The following FER variants were observed in gnomAD, a reference collection of about 807,000 sequenced individuals.
FER encodes FER tyrosine kinase.
Under a neutral mutation model 111.0 loss-of-function variants are expected in FER, and 63 were observed. That is an observed-to-expected ratio of 0.57 (90% confidence interval 0.46 to 0.70). The LOEUF (loss-of-function observed/expected upper bound fraction) is 0.70. Among genes scored for constraint, FER ranks in the 30% least tolerant of loss-of-function variants. FER has a pLI of 0.00. For synonymous variants in FER, 327 were observed against 313.9 expected (o/e 1.04, Z -0.44); for missense variants, 914 against 954.0 (o/e 0.96, Z 0.55).
At chr5:109,148,420 A>T (rs1272623888) in intron 17 of FER, among the ~76,000 whole-genome samples, 1 of 152,156 alleles carries the variant, frequency 6.6e-6, no homozygotes, top group Non-Finnish European at 1.5e-5. Flanking sequence ...GATGCTTTTT[A>T]AAAAGATTGA....
At chr5:108,869,331 T>C (rs920910169) in intron 6 of FER, among the ~76,000 whole-genome samples, 1 of 152,130 alleles carries the variant, frequency 6.6e-6, no homozygotes, top group Non-Finnish European at 1.5e-5. Context: ...CATCTGGAAC[T>C]TGAAGCTTGA....
chr5:108,973,193 A>G (rs1471373785), intron 13 of FER, among the ~76,000 whole-genome samples: 1 of 152,182 alleles, frequency 6.6e-6, no homozygotes, highest in African/African-American at 2.4e-5. Flanking sequence ...ACAAGAACAG[A>G]CATACTTGTT....
At chr5:108,776,297 ATCTC>A (rs1418901152) in intron 2 of FER, among the ~76,000 whole-genome samples, 1 of 152,034 alleles carries the variant, frequency 6.6e-6, no homozygotes, top group African/African-American at 2.4e-5. Context: ...GTATAGTTGA[ATCTC>A]TATATCAATG....
chr5:108,785,179 AG>A, intron 2 of FER: 1 of 614,324 alleles, frequency 1.6e-6, no homozygotes, highest in Non-Finnish European at 2.8e-6. Flanking sequence ...TTGGCCACAC[AG>A]GTTATCTGAA....
chr5:109,007,444 A>G (rs1384444524), intron 13 of FER, among the ~76,000 whole-genome samples: 1 of 120,462 alleles, frequency 8.3e-6, no homozygotes, highest in Non-Finnish European at 2.0e-5. Flanking sequence ...TCAGCTCCCA[A>G]AATTATTCTA....
intron 10 of FER, among the ~76,000 whole-genome samples, chr5:108,921,167 T>TC (rs1401388370): frequency 1.3e-5 from 2 of 152,298 alleles, no homozygotes; most frequent in East Asian, 3.9e-4. Flanking sequence ...ATTGCCTTTT[T>TC]CCTTTTCTTG....
At chr5:108,831,868 T>C (rs1215155234) in intron 3 of FER, among the ~76,000 whole-genome samples, 1 of 152,226 alleles carries the variant, frequency 6.6e-6, no homozygotes, top group Non-Finnish European at 1.5e-5. Context: ...AACCAAACTT[T>C]GCTCATTTAA....
intron 9 of FER, among the ~76,000 whole-genome samples, chr5:108,889,805 A>G (rs1747752062): frequency 6.6e-6 from 1 of 152,074 alleles, no homozygotes; most frequent in Non-Finnish European, 1.5e-5. Context: ...TTATGTACCC[A>G]CAAAAATAAA....
At chr5:108,913,852 G>A (rs951076137) in intron 10 of FER, among the ~76,000 whole-genome samples, 4 of 152,184 alleles carry the variant, frequency 2.6e-5, no homozygotes, top group Non-Finnish European at 5.9e-5. Context: ...ACATGCAGCA[G>A]TATGGCTGAA....
intron 10 of FER, among the ~76,000 whole-genome samples, chr5:108,944,589 A>G (rs1412510516): frequency 6.6e-6 from 1 of 152,112 alleles, no homozygotes; most frequent in Non-Finnish European, 1.5e-5. Context: ...CAACCTGTCA[A>G]TGAATTCAGC....
intron 14 of FER, among the ~76,000 whole-genome samples, chr5:109,043,769 G>A (rs1442409285): frequency 1.3e-5 from 2 of 152,072 alleles, no homozygotes; most frequent in East Asian, 1.9e-4. Context: ...TCAAGAGATC[G>A]AGACCATCCT....
intron 10 of FER, among the ~76,000 whole-genome samples, chr5:108,920,017 A>C (rs1752816910): frequency 6.6e-6 from 1 of 151,882 alleles, no homozygotes; most frequent in Non-Finnish European, 1.5e-5. Context: ...AATGGTAGCT[A>C]TAAAGAAGTA....
rs191086721 is a variant in FER, at chr5:109,002,247, A to C, written c.1657-35175A>C. Among the ~76,000 whole-genome samples, 1,419 of 152,150 alleles carry C rather than the reference A, an allele frequency of 9.3e-3. 22 individuals are homozygous for C. The highest frequency in any genetic ancestry group is 0.033 in the African/African-American group (1,358 of 41,470). On this transcript the variant is annotated intron_variant, in intron 13 of 19. Transcript: ENST00000281092. ...ATACTACAAGGCTACAGTAACCAAA[A>C]CAGCATGGGACTGGTACCAAAGCGG...
chr5:108,875,704 C>T (rs1433212130), intron 8 of FER, among the ~76,000 whole-genome samples: 1 of 152,114 alleles, frequency 6.6e-6, no homozygotes, highest in African/African-American at 2.4e-5. Flanking sequence ...TGAATCAACA[C>T]ATCAGTAGGC....
intron 15 of FER, among the ~76,000 whole-genome samples, chr5:109,045,152 A>G (rs1771767196): frequency 1.3e-5 from 2 of 152,090 alleles, no homozygotes; most frequent in Middle Eastern, 3.4e-3. Flanking sequence ...AGATAATTAC[A>G]TCTGTCCTAC....
chr5:108,946,704 A>G (rs1363593923), intron 11 of FER, among the ~76,000 whole-genome samples: 2 of 152,060 alleles, frequency 1.3e-5, no homozygotes, highest in African/African-American at 4.8e-5. Context: ...TGGGTTTGGC[A>G]TATCACAGTA....
rs557803197 is a variant in FER at position 109,150,153 on chromosome 5, C to G, written c.2049-30594C>G. On this transcript the variant is annotated intron_variant, in intron 17 of 19. Transcript: ENST00000281092. Reference sequence around the variant, plus strand: ...CTGGTGCCAAAAGCGCTGGGGACCACTGCCTTAGACTGAGCATCTATTTGA... The same window carrying G: ...CTGGTGCCAAAAGCGCTGGGGACCAGTGCCTTAGACTGAGCATCTATTTGA... 3.7e-4 allele frequency among the ~76,000 whole-genome samples: 56 copies of G among 152,238 alleles called. 3 individuals carry two copies. In the South Asian group the frequency reaches 0.012, roughly 32 times the overall value.
At chr5:108,801,030 G>C (rs767218500) in intron 3 of FER, among the ~76,000 whole-genome samples, 30 of 152,148 alleles carry the variant, frequency 2.0e-4, no homozygotes, top group Middle Eastern at 3.2e-3. Flanking sequence ...CTGGGCGACA[G>C]AGCAAGACTC....
chr5:109,013,151 C>T (rs916359004), intron 13 of FER, among the ~76,000 whole-genome samples: 6 of 150,390 alleles, frequency 4.0e-5, no homozygotes, highest in Non-Finnish European at 7.4e-5. Context: ...CATATGTATA[C>T]ATGTGCCATG....
Sources: gnomAD v4.1 joint callset for allele counts (sites outside exome capture counted in the v4.1 genomes callset) on GRCh38, gnomAD v4.1.1 for gene constraint, MANE v1.5 for transcripts, NCBI Gene and HGNC (gene_info 2026-07-23, HGNC 2026-07-21) for gene names.